Variants in SUGCT observed in about 807,000 individuals in gnomAD.
SUGCT encodes succinyl-CoA:glutarate-CoA transferase, also known as succinyl-CoA:glutarate CoA-transferase.
A neutral mutation model predicts 55.0 loss-of-function variants in SUGCT; 41 were observed. The ratio of observed to expected loss-of-function variants is 0.74; its 90% confidence interval spans 0.58 to 0.97. SUGCT has a LOEUF of 0.97. Ranked by LOEUF, SUGCT falls within the 50% of genes least tolerant of loss-of-function variation. The pLI is 0.00. For synonymous variants in SUGCT, 187 were observed against 200.4 expected (o/e 0.93, Z 0.56); for missense variants, 568 against 547.8 (o/e 1.04, Z -0.37).
At chr7:40,684,215 T>C in intron 12 of SUGCT, 1 of 1,487,466 alleles carries the variant, frequency 6.7e-7, no homozygotes. Flanking sequence ...CATATCAAGG[T>C]TTGTGACCTT....
At chr7:40,760,816 G>T (rs752576585) in intron 13 of SUGCT, among the ~76,000 whole-genome samples, 1 of 151,614 alleles carries the variant, frequency 6.6e-6, no homozygotes, top group African/African-American at 2.4e-5. Context: ...ACGTATTTCA[G>T]TGGCAGCTTT....
chr7:40,446,045 G>T (rs962422529), intron 9 of SUGCT, among the ~76,000 whole-genome samples: 3 of 152,034 alleles, frequency 2.0e-5, no homozygotes, highest in East Asian at 1.9e-4. Flanking sequence ...ATAGGGAGGG[G>T]TATGGAGCTT....
chr7:40,616,247 G>A (rs1393068274), intron 12 of SUGCT, among the ~76,000 whole-genome samples: 1 of 152,082 alleles, frequency 6.6e-6, no homozygotes, highest in African/African-American at 2.4e-5. Flanking sequence ...CCAGGCTGGA[G>A]TTTAGTGGTG....
chr7:40,618,325 A>C (rs1799107091), intron 12 of SUGCT, among the ~76,000 whole-genome samples: 1 of 152,180 alleles, frequency 6.6e-6, no homozygotes, highest in Non-Finnish European at 1.5e-5. Flanking sequence ...TTGAAACTAC[A>C]GTTGACTGTC....
At chr7:40,573,527 A>G (rs1156835814) in intron 12 of SUGCT, among the ~76,000 whole-genome samples, 1 of 152,170 alleles carries the variant, frequency 6.6e-6, no homozygotes, top group African/African-American at 2.4e-5. Flanking sequence ...ACATCCATAC[A>G]TACATATAGA....
intron 13 of SUGCT, among the ~76,000 whole-genome samples, chr7:40,764,421 C>T (rs1439200182): frequency 6.6e-6 from 1 of 152,082 alleles, no homozygotes; most frequent in Non-Finnish European, 1.5e-5. Context: ...TCATGGGACA[C>T]ATTTCAAATA....
intron 1 of SUGCT, among the ~76,000 whole-genome samples, chr7:40,163,787 T>A (rs1784292303): frequency 1.3e-5 from 2 of 151,990 alleles, no homozygotes; most frequent in Non-Finnish European, 2.9e-5. Flanking sequence ...ATTTTGTCAA[T>A]TTTCTTTAGC....
At chr7:40,419,478 G>T (rs1203268439) in intron 9 of SUGCT, among the ~76,000 whole-genome samples, 1 of 152,180 alleles carries the variant, frequency 6.6e-6, no homozygotes, top group Non-Finnish European at 1.5e-5. Flanking sequence ...TCAGTAAAAA[G>T]CTACTTTCCT....
chr7:40,705,295 C>G (rs1179660970), intron 12 of SUGCT, among the ~76,000 whole-genome samples: 1 of 152,158 alleles, frequency 6.6e-6, no homozygotes, highest in Non-Finnish European at 1.5e-5. Context: ...CAGAAATTGA[C>G]ATTGGTATAA....
Position 40,851,890 on chromosome 7 carries a change from T to C in SUGCT, c.1154-8426T>C, listed in dbSNP as rs551084496. On this transcript the variant is annotated intron_variant, in intron 13 of 13. Coordinates refer to ENST00000335693, the MANE Select transcript of SUGCT (RefSeq NM_001193313.2). ...AATGTATTTTGGTAGAGACCTTAGA[T>C]AGTAGAGAAAAGGCACATAAACAAC... Among the ~76,000 whole-genome samples the C allele has an allele frequency of 5.3e-4, 81 of 152,330 alleles. 1 individual carries two copies. The highest frequency in any genetic ancestry group is 4.6e-3 in the Admixed American group (71 of 15,302).
At chr7:40,984,062 T>C in the SUGCT span, among the ~76,000 whole-genome samples, 8 of 152,038 alleles carry the variant, frequency 5.3e-5, no homozygotes, top group African/African-American at 1.9e-4. Context: ...AGAGCCCCAG[T>C]GGAAGCTCAG....
intron 6 of SUGCT, among the ~76,000 whole-genome samples, chr7:40,233,198 T>C (rs944276863): frequency 6.6e-6 from 1 of 151,862 alleles, no homozygotes; most frequent in Non-Finnish European, 1.5e-5. Flanking sequence ...ACTCCTATTA[T>C]GGAATATATA....
intron 12 of SUGCT, among the ~76,000 whole-genome samples, chr7:40,573,789 C>T (rs980185321): frequency 6.6e-6 from 1 of 152,174 alleles, no homozygotes. Context: ...TGTCCAAGAT[C>T]CCCCAGGTAG....
At chr7:40,661,570 C>G (rs1801301299) in intron 12 of SUGCT, among the ~76,000 whole-genome samples, 1 of 152,202 alleles carries the variant, frequency 6.6e-6, no homozygotes, top group Non-Finnish European at 1.5e-5. Context: ...TTCACAAATT[C>G]ACCCTAAATT....
In SUGCT at chr7:40,388,301, ATTTTC is replaced by A. The variant is rs138332379; in HGVS notation, c.817-60980_817-60976del. ...ACTGGGCACTTTTGTAATAGGTTGC[ATTTTC>A]TTTTCCTTAGGATAATGAACAGGCT... On this transcript the variant is annotated intron_variant, in intron 9 of 13. Coordinates refer to ENST00000335693, the MANE Select transcript of SUGCT (RefSeq NM_001193313.2). 2.4e-3 allele frequency: 369 copies of A among 152,268 alleles called. 1 individual carries two copies. Among genetic ancestry groups the A allele is most frequent in the African/African-American group, 8.2e-3 (339 of 41,556 alleles). 9.4% of individuals were successfully genotyped at this position (152,268 alleles called of 1,614,324 possible).
intron 13 of SUGCT, among the ~76,000 whole-genome samples, chr7:40,823,466 A>T (rs1347912646): frequency 6.6e-6 from 1 of 152,120 alleles, no homozygotes; most frequent in African/African-American, 2.4e-5. Flanking sequence ...TCAAAACCTA[A>T]CACTGGAGAA....
At chr7:40,138,631 T>TC (rs1478954300) in intron 1 of SUGCT, among the ~76,000 whole-genome samples, 1 of 148,122 alleles carries the variant, frequency 6.8e-6, no homozygotes, top group Non-Finnish European at 1.5e-5. Context: ...TAAGAAGAGT[T>TC]CCCTTTTCTC....
chr7:40,900,394 A>G, the SUGCT span, among the ~76,000 whole-genome samples: 856 of 152,322 alleles, frequency 5.6e-3, 4 homozygotes, highest in Non-Finnish European at 9.8e-3. Flanking sequence ...TTCCTTGTCT[A>G]CAGGATGAAC....
intron 11 of SUGCT, among the ~76,000 whole-genome samples, chr7:40,487,490 G>A (rs895022095): frequency 6.6e-6 from 1 of 151,748 alleles, no homozygotes; most frequent in Non-Finnish European, 1.5e-5. Context: ...AGAGAAGAAT[G>A]TGTTGGATGG....
Sources: allele counts gnomAD v4.1 joint callset (sites outside exome capture counted in the v4.1 genomes callset), GRCh38; gene constraint gnomAD v4.1.1; transcripts MANE v1.5; gene names NCBI Gene and HGNC (gene_info 2026-07-23, HGNC 2026-07-21).